The following SMCHD1 variants were observed in gnomAD, a reference collection of about 807,000 sequenced individuals.
The protein encoded by SMCHD1 is structural maintenance of chromosomes flexible hinge domain containing 1.
A neutral mutation model predicts 254.7 loss-of-function variants in SMCHD1; 78 were observed. The observed-to-expected ratio is 0.31, with a 90% CI of 0.26 to 0.37. SMCHD1 has a LOEUF of 0.37. Among genes scored for constraint, SMCHD1 ranks in the 10% least tolerant of loss-of-function variants. The probability of loss-of-function intolerance (pLI) is 1.00; values close to 1 mark genes in which losing one functional copy is unlikely to be tolerated. For missense variants in SMCHD1, 1,840 were observed against 2,408.1 expected, an observed-to-expected ratio of 0.76 and a Z score of 4.94; for synonymous variants, 766 against 794.9, an observed-to-expected ratio of 0.96 and a Z score of 0.61.
intron 8 of SMCHD1, among the ~76,000 whole-genome samples, chr18:2,696,279 G>A (rs1010919037): frequency 6.6e-6 from 1 of 152,120 alleles, no homozygotes; most frequent in Admixed American, 6.5e-5. Flanking sequence ...CGCCCCGGTC[G>A]TGAACTGGTA....
chr18:2,687,209 A>G (rs2074072031), intron 5 of SMCHD1, among the ~76,000 whole-genome samples: 1 of 152,148 alleles, frequency 6.6e-6, no homozygotes, highest in Admixed American at 6.5e-5. Context: ...CACACCAGTA[A>G]ATGTCTCATA....
chr18:2,735,169 A>G (rs956533863), intron 25 of SMCHD1, among the ~76,000 whole-genome samples: 2 of 151,962 alleles, frequency 1.3e-5, no homozygotes, highest in Non-Finnish European at 2.9e-5. Context: ...GATTCACCAC[A>G]TAAACAAAAT....
intron 1 of SMCHD1, among the ~76,000 whole-genome samples, chr18:2,659,200 C>T (rs946282362): frequency 2.6e-5 from 4 of 152,206 alleles, no homozygotes; most frequent in African/African-American, 9.6e-5. Flanking sequence ...TTACTGCAAC[C>T]TCTGCCACCC....
In SMCHD1 at chr18:2,778,258, T is replaced by C. The variant is rs764978818; in HGVS notation, c.5547+19T>C. On this transcript the variant is annotated intron_variant, in intron 44 of 47. Transcript: ENST00000320876. ...AAAAGAGGTATGTATTTGATTTCTT[T>C]TTAAATTTGTAGACTTCAGTTTTAA... 10 of 1,558,118 alleles carry C rather than the reference T, an allele frequency of 6.4e-6. No individual in the cohort carries two copies. Among genetic ancestry groups the C allele is most frequent in the Non-Finnish European group, 7.9e-6 (9 of 1,138,196 alleles).
intron 23 of SMCHD1, 171 bp downstream of exon 23, chr18:2,728,767 A>G: frequency 1.6e-6 from 1 of 610,544 alleles, no homozygotes; most frequent in Admixed American, 4.0e-5. Flanking sequence ...TCGTACCTAA[A>G]CCAATAAAGA....
intron 45 of SMCHD1, among the ~76,000 whole-genome samples, chr18:2,793,412 C>G (rs983144780): frequency 1.3e-5 from 2 of 151,926 alleles, no homozygotes; most frequent in Non-Finnish European, 2.9e-5. Flanking sequence ...GCCTGTAATC[C>G]CAGCACTTTG....
At chr18:2,662,212 G>T (rs1964433) in intron 1 of SMCHD1, among the ~76,000 whole-genome samples, 39,987 of 95,714 alleles carry the variant, frequency 0.42, 8,458 homozygotes, top group African/African-American at 0.65. Context: ...AAGAAAGAAA[G>T]AAAGAAAGAA....
In SMCHD1 at chr18:2,772,247, T is replaced by C; in HGVS notation, c.5053-3T>C. ...GTAGTTAATTTTTCTTTATAAATTA[T>C]AGGTGCCACACATTGAAGCACTTCT... On this transcript the variant is annotated splice_polypyrimidine_tract_variant and splice_region_variant and intron_variant, in intron 40 of 47. Coordinates refer to ENST00000320876, the MANE Select transcript of SMCHD1 (RefSeq NM_015295.3). 6.4e-7 allele frequency: 1 copy of C among 1,566,568 alleles called. No individual in the cohort carries two copies.
At chr18:2,779,704 A>G in intron 44 of SMCHD1, among the ~76,000 whole-genome samples, 1 of 152,338 alleles carries the variant, frequency 6.6e-6, no homozygotes, top group East Asian at 1.9e-4. Context: ...AGTTCCAGCT[A>G]CTTGGGAAGC....
At chr18:2,750,619 G>A (rs902359525) in intron 32 of SMCHD1, 112 bp downstream of exon 32, 4 of 786,828 alleles carry the variant, frequency 5.1e-6, no homozygotes, top group Non-Finnish European at 7.5e-6. Context: ...AGGAGACAGG[G>A]AAGCAAATGA....
chr18:2,740,948 G>T, intron 28 of SMCHD1, 127 bp downstream of exon 28: 3 of 561,002 alleles, frequency 5.3e-6, no homozygotes, highest in Non-Finnish European at 9.4e-6. Context: ...GTCATAAAAG[G>T]CATTTTAAAA....
At chr18:2,782,974 C>A (rs1381538005) in intron 44 of SMCHD1, among the ~76,000 whole-genome samples, 1 of 151,976 alleles carries the variant, frequency 6.6e-6, no homozygotes, top group Non-Finnish European at 1.5e-5. Flanking sequence ...AAAGAATTCA[C>A]CACAGGATTT....
intron 3 of SMCHD1, among the ~76,000 whole-genome samples, chr18:2,671,902 T>C (rs1317539883): frequency 6.6e-6 from 1 of 152,038 alleles, no homozygotes; most frequent in Non-Finnish European, 1.5e-5. Context: ...CTGGCCTTGA[T>C]CTTTTCTTTT....
At chr18:2,789,810 GA>G (rs1256750228) in intron 45 of SMCHD1, among the ~76,000 whole-genome samples, 1 of 152,170 alleles carries the variant, frequency 6.6e-6, no homozygotes, top group Admixed American at 6.5e-5. Flanking sequence ...CTTGGGAATA[GA>G]AATACTTTTA....
chr18:2,711,193 G>A (rs11662560), intron 17 of SMCHD1, among the ~76,000 whole-genome samples: 44,345 of 150,870 alleles, frequency 0.29, 6,759 homozygotes, highest in East Asian at 0.5. Flanking sequence ...AAATATTGAC[G>A]AGGTTGGCCT....
intron 5 of SMCHD1, among the ~76,000 whole-genome samples, chr18:2,685,152 T>TC (rs1266689236): frequency 7.5e-6 from 1 of 132,824 alleles, no homozygotes; most frequent in Non-Finnish European, 1.6e-5. Context: ...CAGGCCGGAC[T>TC]GCAGTGGTGC....
intron 37 of SMCHD1, 50 bp from the exon 38 acceptor site, chr18:2,769,644 A>C (rs1247972140): frequency 1.3e-6 from 2 of 1,541,350 alleles, no homozygotes; most frequent in Non-Finnish European, 1.8e-6. Context: ...ATATGTTGTA[A>C]ATTTTCTTTT....
intron 5 of SMCHD1, 134 bp from the exon 6 acceptor site, chr18:2,688,260 T>G (rs1040934482): frequency 3.1e-6 from 2 of 640,714 alleles, no homozygotes; most frequent in African/African-American, 3.6e-5. Context: ...GTCTTGACAC[T>G]GATTATTTCA....
At chr18:2,677,383 A>G (rs539817727) in intron 5 of SMCHD1, among the ~76,000 whole-genome samples, 91 of 152,330 alleles carry the variant, frequency 6.0e-4, no homozygotes, top group African/African-American at 2.2e-3. Flanking sequence ...TAAAATTCAC[A>G]TATTATACAG....
Sources: gnomAD v4.1 joint callset for allele counts (sites outside exome capture counted in the v4.1 genomes callset) on GRCh38, gnomAD v4.1.1 for gene constraint, MANE v1.5 for transcripts, NCBI Gene and HGNC (gene_info 2026-07-23, HGNC 2026-07-21) for gene names.